The following SLC24A3 variants were observed in gnomAD, a reference collection of about 807,000 sequenced individuals.
SLC24A3 encodes solute carrier family 24 member 3, also known as sodium/potassium/calcium exchanger 3.
Under a neutral mutation model 75.8 loss-of-function variants are expected in SLC24A3, and 28 were observed. The ratio of observed to expected loss-of-function variants is 0.37; its 90% confidence interval spans 0.27 to 0.51. The LOEUF is 0.51. SLC24A3 is among the 20% of genes least tolerant of loss of function. The probability of loss-of-function intolerance (pLI) is 0.94; values close to 1 mark genes in which losing one functional copy is unlikely to be tolerated. For synonymous variants in SLC24A3, 372 were observed against 334.1 expected (o/e 1.11, Z -1.24); for missense variants, 663 against 847.8 (o/e 0.78, Z 2.71).
At chr20:19,467,557 C>T (rs1987786793) in intron 2 of SLC24A3, among the ~76,000 whole-genome samples, 1 of 152,110 alleles carries the variant, frequency 6.6e-6, no homozygotes, top group Non-Finnish European at 1.5e-5. Flanking sequence ...AAAGCTAGAG[C>T]TGACCTGGAA....
At chr20:19,660,902 A>G (rs886568536) in intron 7 of SLC24A3, among the ~76,000 whole-genome samples, 1 of 152,122 alleles carries the variant, frequency 6.6e-6, no homozygotes, top group Non-Finnish European at 1.5e-5. Flanking sequence ...CAAATCGACT[A>G]TGGTCTTACA....
intron 2 of SLC24A3, among the ~76,000 whole-genome samples, chr20:19,288,284 G>A (rs1983860684): frequency 6.6e-6 from 1 of 152,178 alleles, no homozygotes. Flanking sequence ...GGATGAAATA[G>A]GGAGCAGAGG....
chr20:19,676,016 CCA>C (rs1221546285), intron 9 of SLC24A3, among the ~76,000 whole-genome samples: 1 of 152,172 alleles, frequency 6.6e-6, no homozygotes, highest in Non-Finnish European at 1.5e-5. Flanking sequence ...GGAAGAATCG[CCA>C]CACAGTGTCT....
chr20:19,510,531 A>T (rs1988520729), intron 2 of SLC24A3, among the ~76,000 whole-genome samples: 1 of 152,238 alleles, frequency 6.6e-6, no homozygotes, highest in South Asian at 2.1e-4. Flanking sequence ...CACTTCCCAG[A>T]TTCATATGTT....
chr20:19,380,530 G>A (rs1986163127), intron 2 of SLC24A3, among the ~76,000 whole-genome samples: 1 of 152,180 alleles, frequency 6.6e-6, no homozygotes, highest in Admixed American at 6.5e-5. Context: ...CTGGAAGGGG[G>A]AAGATTCAAC....
chr20:19,718,571 G>T (rs2033066200), intron 16 of SLC24A3, among the ~76,000 whole-genome samples: 1 of 152,182 alleles, frequency 6.6e-6, no homozygotes, highest in Non-Finnish European at 1.5e-5. Context: ...GACACCAAGT[G>T]AATGGAGGAA....
At chr20:19,669,026 A>G (rs1490138403) in intron 8 of SLC24A3, among the ~76,000 whole-genome samples, 1 of 152,148 alleles carries the variant, frequency 6.6e-6, no homozygotes, top group East Asian at 1.9e-4. Context: ...GATTAGAATG[A>G]CCACTTTAGA....
intron 3 of SLC24A3, among the ~76,000 whole-genome samples, chr20:19,519,225 C>T (rs1322776577): frequency 6.6e-6 from 1 of 152,250 alleles, no homozygotes; most frequent in Non-Finnish European, 1.5e-5. Context: ...CTAAGGCTTG[C>T]AGCCTTCAGC....
At chr20:19,540,581 G>C (rs1812469079) in intron 3 of SLC24A3, among the ~76,000 whole-genome samples, 1 of 152,198 alleles carries the variant, frequency 6.6e-6, no homozygotes, top group Non-Finnish European at 1.5e-5. Flanking sequence ...AGTGTGTGAG[G>C]GACAGAGCCA....
At chr20:19,570,110 A>G (rs563239264) in intron 3 of SLC24A3, among the ~76,000 whole-genome samples, 11 of 152,294 alleles carry the variant, frequency 7.2e-5, no homozygotes, top group African/African-American at 2.6e-4. Context: ...GAGTTGTACA[A>G]GCTTCTGCTT....
At chr20:19,478,875 T>C (rs1038846822) in intron 2 of SLC24A3, among the ~76,000 whole-genome samples, 12 of 152,244 alleles carry the variant, frequency 7.9e-5, no homozygotes, top group Admixed American at 2.0e-4. Context: ...TGTCTGGCAG[T>C]CACCCCAGTG....
intron 3 of SLC24A3, 102 bp downstream of exon 3, chr20:19,515,666 C>T (rs2029973567): frequency 1.7e-6 from 2 of 1,167,838 alleles, no homozygotes; most frequent in Admixed American, 1.9e-5. Context: ...CTCTGCCCTC[C>T]TGTTCCCACG....
chr20:19,291,572 A>G (rs976848921), intron 2 of SLC24A3, among the ~76,000 whole-genome samples: 1 of 152,238 alleles, frequency 6.6e-6, no homozygotes, highest in Non-Finnish European at 1.5e-5. Context: ...GAGGTTCCTG[A>G]TAGAGTGTGA....
intron 7 of SLC24A3, among the ~76,000 whole-genome samples, chr20:19,655,498 T>G (rs1238428759): frequency 1.3e-5 from 2 of 152,140 alleles, no homozygotes; most frequent in Non-Finnish European, 2.9e-5. Context: ...ATTTTATGTG[T>G]CAACTCGACT....
intron 2 of SLC24A3, among the ~76,000 whole-genome samples, chr20:19,334,913 A>G (rs1236145859): frequency 6.6e-6 from 1 of 152,162 alleles, no homozygotes; most frequent in African/African-American, 2.4e-5. Flanking sequence ...GCATACAGAC[A>G]CAGGGTTAGC....
intron 2 of SLC24A3, among the ~76,000 whole-genome samples, chr20:19,478,070 A>G (rs547548368): frequency 5.8e-4 from 89 of 152,298 alleles, no homozygotes; most frequent in African/African-American, 2.0e-3. Flanking sequence ...ATTTATTGCC[A>G]TCTGTCACCT....
intron 2 of SLC24A3, among the ~76,000 whole-genome samples, chr20:19,439,685 A>G (rs1037787202): frequency 6.6e-6 from 1 of 152,200 alleles, no homozygotes; most frequent in African/African-American, 2.4e-5. Flanking sequence ...ACATTTATCC[A>G]TCAATTATGT....
At chr20:19,651,124 G>GT (rs1173989986) in intron 6 of SLC24A3, among the ~76,000 whole-genome samples, 1 of 151,962 alleles carries the variant, frequency 6.6e-6, no homozygotes, top group Non-Finnish European at 1.5e-5. Flanking sequence ...ATAATTATAT[G>GT]TAACAAGTGC....
intron 15 of SLC24A3, among the ~76,000 whole-genome samples, chr20:19,714,150 T>A (rs2033018527): frequency 6.6e-6 from 1 of 152,142 alleles, no homozygotes; most frequent in Admixed American, 6.6e-5. Context: ...TGCTTGTAAT[T>A]CCAGCACTTT....
Sources: allele counts gnomAD v4.1 joint callset (sites outside exome capture counted in the v4.1 genomes callset), GRCh38; gene constraint gnomAD v4.1.1; transcripts MANE v1.5; gene names NCBI Gene and HGNC (gene_info 2026-07-23, HGNC 2026-07-21).